The following IQSEC1 variants were observed in gnomAD, a reference collection of about 807,000 sequenced individuals.
IQSEC1 encodes the protein IQ motif and Sec7 domain ArfGEF 1.
A neutral mutation model predicts 91.0 loss-of-function variants in IQSEC1; 31 were observed. The ratio of observed to expected loss-of-function variants is 0.34; its 90% CI spans 0.26 to 0.46. The LOEUF is 0.46. Ranked by LOEUF, IQSEC1 falls within the 20% of genes least tolerant of loss-of-function variation. The pLI is 1.00. For synonymous variants in IQSEC1, 699 were observed against 662.6 expected, an observed-to-expected ratio of 1.05 and a Z score of -0.84; for missense variants, 1,388 against 1,575.6, an observed-to-expected ratio of 0.88 and a Z score of 2.02.
At chr3:13,263,550 C>A (rs1695431359) in intron 1 of IQSEC1, among the ~76,000 whole-genome samples, 1 of 151,888 alleles carries the variant, frequency 6.6e-6, no homozygotes, top group South Asian at 2.1e-4. Context: ...TCAAGCGATT[C>A]TCTTGCCTCA....
At chr3:13,076,923 T>A (rs185206810), upstream of IQSEC1, among the ~76,000 whole-genome samples, 102 of 152,246 alleles carry the variant, frequency 6.7e-4, no homozygotes, top group African/African-American at 2.3e-3. Context: ...AGTGGATCCT[T>A]CCAGAACTTT....
At chr3:13,164,107 A>G (rs1693418677) in exon 2 of IQSEC1, among the ~76,000 whole-genome samples, 1 of 152,142 alleles carries the variant, frequency 6.6e-6, no homozygotes, top group African/African-American at 2.4e-5. Flanking sequence ...CACATACCTG[A>G]CGCTCCGCGA....
chr3:13,204,334 A>T (rs1186302039), intron 1 of IQSEC1, among the ~76,000 whole-genome samples: 1 of 152,292 alleles, frequency 6.6e-6, no homozygotes, highest in African/African-American at 2.4e-5. Context: ...CGATGATCCC[A>T]GCCAAGAGAG....
intron 1 of IQSEC1, chr3:13,052,821 G>T: frequency 1.7e-6 from 1 of 598,158 alleles, no homozygotes; most frequent in East Asian, 2.8e-5. Context: ...CAACCAACGC[G>T]TTCATAACAT....
intron 1 of IQSEC1, among the ~76,000 whole-genome samples, chr3:13,263,282 A>G (rs771158759): frequency 1.8e-4 from 27 of 152,030 alleles, no homozygotes; most frequent in Non-Finnish European, 3.5e-4. Flanking sequence ...CAAAAAACCA[A>G]TGTGAATATA....
intron 3 of IQSEC1, among the ~76,000 whole-genome samples, chr3:12,929,134 G>A (rs1183402151): frequency 6.6e-6 from 1 of 152,210 alleles, no homozygotes; most frequent in African/African-American, 2.4e-5. Context: ...CTCCACTTCT[G>A]GCTGGGCGAC....
Position 12,922,984 on chromosome 3 carries a change from C to A in IQSEC1, c.1731-742G>T, listed in dbSNP as rs973822703. The stretch of plus-strand genomic sequence containing the variant: ...CCCATGGGGCAGAGAGAGGCCTGGC[C>A]ACACAGGGCCTGACCCCTCTCCCAG... On this transcript the variant is annotated intron_variant, in intron 4 of 13. Transcript: ENST00000613206. This position sits in a 1 kb window ranked among gnomAD's most constrained non-coding sequence, Gnocchi z 5.1. Among the ~76,000 whole-genome samples, 3 of 152,198 alleles carry A rather than the reference C, an allele frequency of 2.0e-5. No individual in the cohort carries two copies. The highest frequency in any genetic ancestry group is 7.2e-5 in the African/African-American group (3 of 41,454).
At chr3:12,957,633 C>G (rs1398394290) in intron 1 of IQSEC1, among the ~76,000 whole-genome samples, 3 of 152,184 alleles carry the variant, frequency 2.0e-5, no homozygotes, top group Admixed American at 1.3e-4. Context: ...AGGGTGTGGA[C>G]AGAGAGGAGG....
In IQSEC1 at chr3:12,899,933, G is replaced by A. The variant is rs1694059937; in HGVS notation, c.*1050C>T. ...ATGGGTGCCCCTCTCGGAGGACTCT[G>A]AATGAGTGTGCGTCAAATCATATGC... On this transcript the variant is annotated 3_prime_UTR_variant, in exon 14 of 14. Transcript: ENST00000613206. 1.0e-6 allele frequency: 1 copy of A among 985,068 alleles called. No individual in the cohort carries two copies. Among genetic ancestry groups the A allele is most frequent in the African/African-American group, 1.7e-5 (1 of 57,212 alleles). 61.0% of individuals were successfully genotyped at this position (985,068 alleles called of 1,614,324 possible).
intron 1 of IQSEC1, among the ~76,000 whole-genome samples, chr3:13,001,744 T>G (rs765462934): frequency 6.6e-6 from 1 of 152,224 alleles, no homozygotes; most frequent in East Asian, 1.9e-4. Context: ...AGACAATTCA[T>G]TGGAAACAAT....
intron 1 of IQSEC1, among the ~76,000 whole-genome samples, chr3:13,013,606 G>T (rs111656576): frequency 2.6e-5 from 4 of 152,040 alleles, no homozygotes; most frequent in Admixed American, 2.0e-4. Context: ...CCCTCCTTGC[G>T]CCCATCTCCT....
At position 12,979,294 on chromosome 3, in the gene IQSEC1, C is replaced by A. The variant is rs1238365222; in HGVS notation, c.24-37429G>T. 2.0e-5 allele frequency among the ~76,000 whole-genome samples: 3 copies of A among 152,202 alleles called. No homozygotes were observed. The highest frequency in any genetic ancestry group is 4.4e-5 in the Non-Finnish European group (3 of 68,038). On this transcript the variant is annotated intron_variant, in intron 1 of 13. Transcript: ENST00000613206. The surrounding 1 kb of genome is among the most constrained non-coding windows in gnomAD (Gnocchi z 4.3). ...ACTCCTGCTTTGATCCTGTTATCAG[C>A]CCCATCCCTGAGGCCTGCTGTGTTT...
rs558799382 is a variant in IQSEC1, at chr3:13,141,943, A to AT, written c.302+22160dup. On this transcript the variant is annotated intron_variant, in intron 2 of 15. Transcript: ENST00000648114. ...AGGATGCACAAACACCCCAAAGGAGATTTTCGGCAGCAGCAGCAGCATCAG... is the reference window on the plus strand; with the variant it reads ...AGGATGCACAAACACCCCAAAGGAGATTTTTCGGCAGCAGCAGCAGCATCAG... Among the ~76,000 whole-genome samples, 248 of 152,170 alleles carry AT rather than the reference A, an allele frequency of 1.6e-3. 1 individual carries two copies. Among genetic ancestry groups the AT allele is most frequent in the South Asian group, 0.016 (78 of 4,824 alleles).
intron 12 of IQSEC1, among the ~76,000 whole-genome samples, chr3:12,903,953 C>T (rs1434086692): frequency 1.3e-5 from 2 of 152,228 alleles, no homozygotes; most frequent in African/African-American, 2.4e-5. Flanking sequence ...CTCACCCGAC[C>T]GCCTCTAAGG....
At chr3:13,064,154 A>G (rs1225968433) in intron 1 of IQSEC1, among the ~76,000 whole-genome samples, 12 of 152,158 alleles carry the variant, frequency 7.9e-5, no homozygotes, top group Non-Finnish European at 4.4e-5. Context: ...TTTTGCTTGT[A>G]CCGTGGAGCC....
intron 1 of IQSEC1, among the ~76,000 whole-genome samples, chr3:12,946,533 T>C (rs1287765216): frequency 6.6e-6 from 1 of 152,186 alleles, no homozygotes; most frequent in Non-Finnish European, 1.5e-5. Flanking sequence ...TACGAGGATG[T>C]CCACAGCAGT....
In IQSEC1 at chr3:13,207,853, G is replaced by A. The variant is rs983057135; in HGVS notation, c.273-43720C>T. Among the ~76,000 whole-genome samples, 1 of 152,080 alleles carries A rather than the reference G, an allele frequency of 6.6e-6. No homozygotes were observed. Among genetic ancestry groups the A allele is most frequent in the African/African-American group, 2.4e-5 (1 of 41,400 alleles). Reference sequence around the variant, plus strand: ...CATACACTGACCAGCCTTCCCTCCTGCCTTTGTGCTGACTTGTTTACTCCA... The same window carrying A: ...CATACACTGACCAGCCTTCCCTCCTACCTTTGTGCTGACTTGTTTACTCCA... On this transcript the variant is annotated intron_variant, in intron 1 of 15. Transcript: ENST00000648114. This position sits in a 1 kb window ranked among gnomAD's most constrained non-coding sequence, Gnocchi z 4.8.
At chr3:13,283,068 G>A (rs942088373) in exon 1 of IQSEC1, among the ~76,000 whole-genome samples, 25 of 144,766 alleles carry the variant, frequency 1.7e-4, no homozygotes, top group African/African-American at 5.7e-4. Context: ...GGCGGGGACG[G>A]CGGCTCGGCG....
At chr3:13,017,877 C>T (rs975554115) in intron 1 of IQSEC1, among the ~76,000 whole-genome samples, 2 of 152,130 alleles carry the variant, frequency 1.3e-5, no homozygotes, top group Non-Finnish European at 2.9e-5. Flanking sequence ...TCTGCTCTGC[C>T]CAGGACCTCC....
Sources: gnomAD v4.1 joint callset for allele counts (sites outside exome capture counted in the v4.1 genomes callset) on GRCh38, gnomAD v4.1.1 for gene constraint, Gnocchi (gnomAD v3.1) non-coding constraint, MANE v1.5 for transcripts, NCBI Gene and HGNC (gene_info 2026-07-23, HGNC 2026-07-21) for gene names.